The following FMN1 variants were observed in gnomAD, a reference collection of about 807,000 sequenced individuals.
FMN1 encodes formin-1.
A neutral mutation model predicts 132.4 loss-of-function variants in FMN1; 110 were observed. The observed-to-expected ratio is 0.83, with a 90% confidence interval of 0.71 to 0.97. FMN1 has a LOEUF of 0.97. FMN1 is among the 50% of genes least tolerant of loss of function. FMN1 has a pLI of 0.00. For synonymous variants in FMN1, 722 were observed against 651.7 expected (o/e 1.11, Z -1.64); for missense variants, 1,792 against 1,705.3 (o/e 1.05, Z -0.90).
At chr15:32,852,260 G>C (rs2059025940) in intron 17 of FMN1, among the ~76,000 whole-genome samples, 1 of 152,116 alleles carries the variant, frequency 6.6e-6, no homozygotes, top group Admixed American at 6.5e-5. Context: ...GCAAGAAAAA[G>C]GAGTTACCCT....
At chr15:33,013,062 AT>A in intron 6 of FMN1, 1 of 404,840 alleles carries the variant, frequency 2.5e-6, no homozygotes. Context: ...CTGGCAGAAG[AT>A]TTTAATTACT....
At chr15:33,174,972 A>T (rs535285802) in intron 3 of FMN1, among the ~76,000 whole-genome samples, 1 of 152,240 alleles carries the variant, frequency 6.6e-6, no homozygotes, top group Admixed American at 6.5e-5. Context: ...TTTAGAAAGA[A>T]TTTTTCTTAT....
At chr15:33,048,257 C>T (rs1304252115) in intron 6 of FMN1, among the ~76,000 whole-genome samples, 1 of 152,112 alleles carries the variant, frequency 6.6e-6, no homozygotes, top group Non-Finnish European at 1.5e-5. Flanking sequence ...TAAGATTCTA[C>T]ATAAGGCCTG....
intron 6 of FMN1, among the ~76,000 whole-genome samples, chr15:33,046,150 G>T (rs2036673229): frequency 6.6e-6 from 1 of 152,006 alleles, no homozygotes; most frequent in Non-Finnish European, 1.5e-5. Flanking sequence ...AATCTCTAGA[G>T]AAATCATTCG....
At chr15:32,967,900 C>G (rs2031393690) in intron 8 of FMN1, among the ~76,000 whole-genome samples, 1 of 152,234 alleles carries the variant, frequency 6.6e-6, no homozygotes, top group Admixed American at 6.5e-5. Context: ...CCTTTACAAA[C>G]AAACTTTAAA....
intron 9 of FMN1, among the ~76,000 whole-genome samples, chr15:32,948,899 T>G (rs1192882565): frequency 6.6e-6 from 1 of 152,104 alleles, no homozygotes; most frequent in Non-Finnish European, 1.5e-5. Flanking sequence ...TTTGACATAT[T>G]TAACCTGTAA....
chr15:33,068,974 G>A (rs2037876255), intron 5 of FMN1, among the ~76,000 whole-genome samples: 1 of 152,022 alleles, frequency 6.6e-6, no homozygotes, highest in Non-Finnish European at 1.5e-5. Context: ...CTCCCCCTTT[G>A]GTGTCCCAGC....
intron 7 of FMN1, among the ~76,000 whole-genome samples, chr15:32,970,978 C>T (rs2031738235): frequency 6.6e-6 from 1 of 152,158 alleles, no homozygotes. Flanking sequence ...TAGCTCTGGA[C>T]ACCGTCTATT....
At chr15:32,776,963 A>C (rs1477115648) in intron 19 of FMN1, 44 bp from the exon 20 acceptor site, 13 of 1,185,538 alleles carry the variant, frequency 1.1e-5, no homozygotes, top group Middle Eastern at 1.9e-4. Context: ...AGGGAAAAGA[A>C]AGGAAGAGGG....
At chr15:33,017,052 G>A (rs1486966984) in intron 6 of FMN1, among the ~76,000 whole-genome samples, 4 of 151,888 alleles carry the variant, frequency 2.6e-5, no homozygotes, top group African/African-American at 9.7e-5. Context: ...ATCAATATTG[G>A]CATCTCAATC....
chr15:32,950,692 G>A (rs2061632042), intron 9 of FMN1, among the ~76,000 whole-genome samples: 1 of 152,114 alleles, frequency 6.6e-6, no homozygotes, highest in African/African-American at 2.4e-5. Context: ...CTATTAGAAG[G>A]TGGAGGGTGG....
At chr15:33,135,500 T>C (rs1963726048) in intron 4 of FMN1, among the ~76,000 whole-genome samples, 1 of 152,188 alleles carries the variant, frequency 6.6e-6, no homozygotes, top group African/African-American at 2.4e-5. Flanking sequence ...TGGCACTGCT[T>C]CTCGCTGGCA....
At chr15:32,966,743 C>T (rs1247732098) in intron 8 of FMN1, among the ~76,000 whole-genome samples, 1 of 152,158 alleles carries the variant, frequency 6.6e-6, no homozygotes, top group Non-Finnish European at 1.5e-5. Flanking sequence ...AAGAGCAAGA[C>T]CAACATTTAT....
chr15:33,022,762 G>A (rs345849), intron 6 of FMN1, among the ~76,000 whole-genome samples: 59,657 of 151,504 alleles, frequency 0.39, 12,024 homozygotes, highest in Admixed American at 0.48. Flanking sequence ...CAGAGTAACA[G>A]GGACTGACAG....
At chr15:32,979,387 C>T (rs529744748) in intron 7 of FMN1, among the ~76,000 whole-genome samples, 3 of 152,026 alleles carry the variant, frequency 2.0e-5, no homozygotes, top group Admixed American at 2.0e-4. Context: ...AACCCCGTCT[C>T]TACTAAAAAA....
intron 7 of FMN1, among the ~76,000 whole-genome samples, chr15:33,003,190 G>A (rs2034212838): frequency 6.6e-6 from 1 of 152,202 alleles, no homozygotes; most frequent in Admixed American, 6.5e-5. Flanking sequence ...AGTGTTGGAA[G>A]TTCTGGCCAG....
chr15:33,058,775 A>C (rs1254188028), intron 6 of FMN1, among the ~76,000 whole-genome samples: 2 of 152,176 alleles, frequency 1.3e-5, no homozygotes, highest in East Asian at 1.9e-4. Context: ...TTTATTGACA[A>C]ATCATAGTTG....
In FMN1 at chr15:33,074,963, G is replaced by A. The variant is rs532969263; in HGVS notation, c.2044-9889C>T. Among the ~76,000 whole-genome samples the A allele has an allele frequency of 1.2e-4, 17 of 141,972 alleles. No homozygotes were observed. In the East Asian group the frequency reaches 3.5e-3, roughly 29 times the overall value. 93.1% of individuals were successfully genotyped at this position (141,972 alleles called of 152,430 possible). A position where few individuals can be genotyped will look rare whatever the true frequency, so the allele number is the denominator to read the frequency against. On this transcript the variant is annotated intron_variant, in intron 5 of 20. Coordinates refer to ENST00000616417, the MANE Select transcript of FMN1 (RefSeq NM_001277313.2). ...TTGAACCTGGGAGGTGGAGGTTGCA[G>A]TGAGCCGAGATGGCACTACTGCACT...
At chr15:32,959,655 C>T (rs942049785) in intron 9 of FMN1, among the ~76,000 whole-genome samples, 1 of 152,154 alleles carries the variant, frequency 6.6e-6, no homozygotes, top group African/African-American at 2.4e-5. Context: ...TGTTATTTTC[C>T]CCCTCAGACA....
Sources: gnomAD v4.1 joint callset for allele counts (sites outside exome capture counted in the v4.1 genomes callset) on GRCh38, gnomAD v4.1.1 for gene constraint, MANE v1.5 for transcripts, NCBI Gene and HGNC (gene_info 2026-07-23, HGNC 2026-07-21) for gene names.